Variants in RCOR1 observed in about 807,000 individuals in gnomAD.
RCOR1 encodes REST corepressor.
Under a neutral mutation model 64.0 loss-of-function variants are expected in RCOR1, and 12 were observed. The observed-to-expected ratio is 0.19, with a 90% CI of 0.12 to 0.30. The LOEUF (loss-of-function observed/expected upper bound fraction) is 0.30, where lower values mean the gene tolerates loss of function less well. RCOR1 is among the 10% of genes least tolerant of loss of function. The pLI, the probability that RCOR1 is intolerant of heterozygous loss-of-function variation, is 1.00. For missense variants in RCOR1, 502 were observed against 621.2 expected, an observed-to-expected ratio of 0.81 and a Z score of 2.04; for synonymous variants, 279 against 227.2, an observed-to-expected ratio of 1.23 and a Z score of -2.05.
rs769670360 is a variant in RCOR1 at position 102,592,956 on chromosome 14, T to TCCGCCTCCGCCGCCG, written c.88_102dup (p.Ala30_Ala34dup). On this transcript the variant is annotated inframe_insertion, in exon 1 of 12. Coordinates refer to ENST00000262241, the MANE Select transcript of RCOR1 (RefSeq NM_015156.4). Reference sequence around the variant, plus strand: ...GAGAGGGAGGAACAACGCGGCCGCCTCCGCCTCCGCCGCCGCCGCCTCCGC... The same window carrying TCCGCCTCCGCCGCCG: ...GAGAGGGAGGAACAACGCGGCCGCCTCCGCCTCCGCCGCCGCCGCCTCCGCCGCCGCCGCCTCCGC... 4.3e-5 allele frequency: 50 copies of TCCGCCTCCGCCGCCG among 1,174,192 alleles called. No individual in the cohort carries two copies. The highest frequency in any genetic ancestry group is 6.6e-5 in the African/African-American group (4 of 60,454). The allele number at this position is 1,174,192 out of a possible 1,614,324, so 72.7% of individuals were successfully genotyped here.
At chr14:102,622,474 G>A (rs1254427253) in intron 2 of RCOR1, among the ~76,000 whole-genome samples, 5 of 152,122 alleles carry the variant, frequency 3.3e-5, no homozygotes, top group African/African-American at 9.7e-5. Context: ...TCAGGCAGCC[G>A]GAAGGCCAGA....
At chr14:102,723,121 A>T (rs1200712236) in intron 11 of RCOR1, among the ~76,000 whole-genome samples, 2 of 152,236 alleles carry the variant, frequency 1.3e-5, no homozygotes, top group African/African-American at 4.8e-5. Context: ...GGCATAAGAA[A>T]GAGTTACTTG....
At chr14:102,594,532 C>T (rs1451308047) in intron 2 of RCOR1, among the ~76,000 whole-genome samples, 1 of 152,196 alleles carries the variant, frequency 6.6e-6, no homozygotes, top group Non-Finnish European at 1.5e-5. Context: ...AAATAAATGA[C>T]TTCCTAAATT....
chr14:102,637,995 T>C (rs1403859982), intron 2 of RCOR1, among the ~76,000 whole-genome samples: 1 of 152,242 alleles, frequency 6.6e-6, no homozygotes, highest in East Asian at 1.9e-4. Flanking sequence ...TTCCAATTTC[T>C]GTATCTGAAA....
intron 3 of RCOR1, among the ~76,000 whole-genome samples, chr14:102,683,874 T>A (rs889270798): frequency 1.3e-5 from 2 of 152,120 alleles, no homozygotes; most frequent in African/African-American, 4.8e-5. Context: ...CATACACCAG[T>A]CCCTAGCTCT....
chr14:102,726,602 C>A lies in RCOR1; in HGVS notation c.*96C>A. 1.9e-6 allele frequency: 2 copies of A among 1,063,198 alleles called. No individual in the cohort carries two copies. Among genetic ancestry groups the A allele is most frequent in the Non-Finnish European group, 2.8e-6 (2 of 710,830 alleles). 65.9% of individuals were successfully genotyped at this position (1,063,198 alleles called of 1,614,324 possible). A position where few individuals can be genotyped will look rare whatever the true frequency, so the allele number is the denominator to read the frequency against. ...ACCTAGCCATCTGCATCACATCTCT[C>A]TGGACAAGCAGCTATTACCAAAAAA... On this transcript the variant is annotated 3_prime_UTR_variant, in exon 12 of 12. Transcript: ENST00000262241.
chr14:102,676,610 G>T (rs1482520653), intron 2 of RCOR1, among the ~76,000 whole-genome samples: 4 of 86,984 alleles, frequency 4.6e-5, no homozygotes, highest in South Asian at 4.3e-4. Flanking sequence ...CCTCCCGGAC[G>T]GGGCGGCTGG....
intron 2 of RCOR1, among the ~76,000 whole-genome samples, chr14:102,632,456 C>T (rs1488453308): frequency 7.5e-5 from 11 of 147,466 alleles, no homozygotes; most frequent in South Asian, 2.2e-4. Flanking sequence ...CTGCCTGCCT[C>T]GGCCTCCCAA....
chr14:102,718,008 ATCAAGGATATAT>A (rs1327881489), intron 8 of RCOR1, among the ~76,000 whole-genome samples: 2 of 152,156 alleles, frequency 1.3e-5, no homozygotes, highest in Non-Finnish European at 2.9e-5. Flanking sequence ...TGTTTGGTAT[ATCAAGGATATAT>A]TCTGAAAATA....
chr14:102,711,431 C>T (rs141996214), intron 7 of RCOR1, among the ~76,000 whole-genome samples: 4 of 152,358 alleles, frequency 2.6e-5, no homozygotes, highest in Non-Finnish European at 4.4e-5. Flanking sequence ...GGCAGGGACT[C>T]GGCACAGCCC....
At chr14:102,611,199 G>A (rs2139889679) in intron 2 of RCOR1, among the ~76,000 whole-genome samples, 1 of 152,166 alleles carries the variant, frequency 6.6e-6, no homozygotes, top group East Asian at 1.9e-4. Context: ...AGCCTCCTGA[G>A]TAGCTGTGAT....
In RCOR1 at chr14:102,726,593, C is replaced by T; in HGVS notation, c.*87C>T. On this transcript the variant is annotated 3_prime_UTR_variant, in exon 12 of 12. Coordinates refer to ENST00000262241, the MANE Select transcript of RCOR1 (RefSeq NM_015156.4). ...TGAGACATCACCTAGCCATCTGCATCACATCTCTCTGGACAAGCAGCTATT... is the reference window on the plus strand; with the variant it reads ...TGAGACATCACCTAGCCATCTGCATTACATCTCTCTGGACAAGCAGCTATT... 1.7e-5 allele frequency: 19 copies of T among 1,120,916 alleles called. No individual in the cohort carries two copies. The highest frequency in any genetic ancestry group is 2.5e-5 in the Non-Finnish European group (19 of 758,864). 69.4% of individuals were successfully genotyped at this position (1,120,916 alleles called of 1,614,324 possible). A position where few individuals can be genotyped will look rare whatever the true frequency, so the allele number is the denominator to read the frequency against.
At chr14:102,717,721 G>A (rs944717523) in intron 8 of RCOR1, among the ~76,000 whole-genome samples, 2 of 152,094 alleles carry the variant, frequency 1.3e-5, no homozygotes, top group Non-Finnish European at 2.9e-5. Flanking sequence ...AGAAAAAGAG[G>A]CCTTCCTCTT....
chr14:102,720,819 C>G, intron 8 of RCOR1, 188 bp from the exon 9 acceptor site: 7 of 460,394 alleles, frequency 1.5e-5, no homozygotes, highest in Non-Finnish European at 2.3e-5. Flanking sequence ...ATCTGTTGCT[C>G]TGAACAAGCA....
intron 2 of RCOR1, among the ~76,000 whole-genome samples, chr14:102,596,286 A>G (rs1595186409): frequency 6.6e-6 from 1 of 152,076 alleles, no homozygotes; most frequent in East Asian, 1.9e-4. Flanking sequence ...TATTTATAGT[A>G]GAGACAGGGT....
chr14:102,662,399 G>C, intron 2 of RCOR1: 1 of 562,956 alleles, frequency 1.8e-6, no homozygotes, highest in Non-Finnish European at 3.4e-6. Flanking sequence ...GTGCCTGTTG[G>C]CTTTAACATC....
intron 2 of RCOR1, among the ~76,000 whole-genome samples, chr14:102,651,791 T>C (rs1894596606): frequency 6.6e-6 from 1 of 152,142 alleles, no homozygotes; most frequent in Non-Finnish European, 1.5e-5. Context: ...CTACTGCTGC[T>C]GGCAACTTCT....
rs141364428 is a variant in RCOR1 at position 102,671,996 on chromosome 14, G to GC, written c.362-9898dup. ...CATAGTGTTTCAAGTTTCATACTGA[G>GC]CATGTGTTAGTGTTTTATTTTCATG... On this transcript the variant is annotated intron_variant, in intron 2 of 11. Transcript: ENST00000262241. Among the ~76,000 whole-genome samples the GC allele has an allele frequency of 9.4e-3, 1,430 of 152,250 alleles. 24 individuals carry two copies. Among genetic ancestry groups the GC allele is most frequent in the African/African-American group, 0.033 (1,354 of 41,530 alleles).
At chr14:102,638,497 C>G (rs1894292228) in intron 2 of RCOR1, among the ~76,000 whole-genome samples, 1 of 151,964 alleles carries the variant, frequency 6.6e-6, no homozygotes, top group Non-Finnish European at 1.5e-5. Flanking sequence ...AGGCCCCTGC[C>G]ACCATGCCCA....
Sources: gnomAD v4.1 joint callset for allele counts (sites outside exome capture counted in the v4.1 genomes callset) on GRCh38, gnomAD v4.1.1 for gene constraint, MANE v1.5 for transcripts, NCBI Gene and HGNC (gene_info 2026-07-23, HGNC 2026-07-21) for gene names.